Variants in INPP4B observed in about 807,000 individuals in gnomAD.
INPP4B encodes the protein inositol polyphosphate-4-phosphatase type II B.
In INPP4B, 55 loss-of-function variants were observed where a neutral mutation model predicts 122.5. That is an observed-to-expected ratio of 0.45 (90% CI 0.36 to 0.56). The LOEUF is 0.56. INPP4B is among the 20% of genes least tolerant of loss of function. The pLI is 0.00. For missense variants in INPP4B, 1,000 were observed against 1,097.7 expected (o/e 0.91, Z 1.26); for synonymous variants, 403 against 388.7 (o/e 1.04, Z -0.43).
intron 25 of INPP4B, among the ~76,000 whole-genome samples, chr4:142,050,087 G>T (rs529218124): frequency 3.9e-5 from 6 of 152,044 alleles, no homozygotes; most frequent in Non-Finnish European, 8.8e-5. Context: ...AATTACTATT[G>T]TTAGGCTCCC....
chr4:142,569,775 T>G (rs1211613347), intron 2 of INPP4B, among the ~76,000 whole-genome samples: 1 of 152,132 alleles, frequency 6.6e-6, no homozygotes, highest in Admixed American at 6.6e-5. Context: ...AGCTTTCATA[T>G]AAAACAAAGG....
rs575531918 is a variant in INPP4B, at chr4:142,207,999, G to A, written c.1072+426C>T. On this transcript the variant is annotated intron_variant, in intron 14 of 25. Coordinates refer to ENST00000262992, the MANE Select transcript of INPP4B (RefSeq NM_001101669.3). ...CTCACTTTTTCCCATAAAAAAGGGA[G>A]TTTCTATTGATAGTTATCAGTAAGT... Among the ~76,000 whole-genome samples, 5 of 151,990 alleles carry A rather than the reference G, an allele frequency of 3.3e-5. 1 individual carries two copies. In the South Asian group the frequency reaches 1.0e-3, roughly 32 times the overall value.
At chr4:142,146,341 A>C (rs1810721336) in intron 17 of INPP4B, among the ~76,000 whole-genome samples, 1 of 152,176 alleles carries the variant, frequency 6.6e-6, no homozygotes, top group African/African-American at 2.4e-5. Flanking sequence ...TATGAAAGCA[A>C]ACACACACCA....
At chr4:142,700,907 C>T (rs1761670176) in intron 2 of INPP4B, among the ~76,000 whole-genome samples, 1 of 152,050 alleles carries the variant, frequency 6.6e-6, no homozygotes. Context: ...ATGATTTAAA[C>T]ATTTATTATC....
rs867147308 is a variant in INPP4B, at chr4:142,425,422, T to C, written c.136+3751A>G. ...ACTATCTTGCCATTTTCACTGTGGC[T>C]TTTTTTTTCTTACCTTGAAACCAGA... On this transcript the variant is annotated intron_variant, in intron 5 of 25. Coordinates refer to ENST00000262992, the MANE Select transcript of INPP4B (RefSeq NM_001101669.3). Among the ~76,000 whole-genome samples the C allele has an allele frequency of 7.9e-5, 12 of 151,466 alleles. No individual in the cohort carries two copies. The South Asian group carries it at 1.3e-3, about 16-fold the overall frequency.
intron 2 of INPP4B, among the ~76,000 whole-genome samples, chr4:142,483,348 C>T (rs1378375537): frequency 6.6e-6 from 1 of 151,818 alleles, no homozygotes. Flanking sequence ...TGAACATTCT[C>T]AAAAAAGTAA....
At chr4:142,179,782 C>A (rs1830014015) in intron 15 of INPP4B, among the ~76,000 whole-genome samples, 2 of 152,140 alleles carry the variant, frequency 1.3e-5, no homozygotes, top group Admixed American at 1.3e-4. Flanking sequence ...TTTAAATAAG[C>A]AAAGTCCAGT....
intron 12 of INPP4B, among the ~76,000 whole-genome samples, chr4:142,217,820 A>G (rs1320676928): frequency 6.6e-6 from 1 of 151,702 alleles, no homozygotes; most frequent in African/African-American, 2.4e-5. Flanking sequence ...CCTGAATAGA[A>G]TAAGAGACTG....
intron 7 of INPP4B, among the ~76,000 whole-genome samples, chr4:142,315,992 C>A (rs553397172): frequency 6.6e-6 from 1 of 152,102 alleles, no homozygotes; most frequent in East Asian, 1.9e-4. Context: ...TATTAAAAGA[C>A]TTGAATCAGC....
At chr4:142,095,541 A>G (rs1781451039) in intron 23 of INPP4B, among the ~76,000 whole-genome samples, 1 of 152,152 alleles carries the variant, frequency 6.6e-6, no homozygotes, top group Non-Finnish European at 1.5e-5. Context: ...GAGTCTCAAT[A>G]TTTTCAGTAT....
At chr4:142,045,979 A>G (rs2152361913) in intron 25 of INPP4B, among the ~76,000 whole-genome samples, 1 of 152,154 alleles carries the variant, frequency 6.6e-6, no homozygotes, top group East Asian at 1.9e-4. Flanking sequence ...ACTTTTTTTC[A>G]ATAAATTGAT....
At chr4:142,429,458 C>G (rs577311549) in intron 4 of INPP4B, among the ~76,000 whole-genome samples, 2 of 151,924 alleles carry the variant, frequency 1.3e-5, no homozygotes, top group Non-Finnish European at 2.9e-5. Flanking sequence ...TATAAAGAAA[C>G]CAAGAAATGT....
At chr4:142,308,284 G>A (rs989262507) in intron 8 of INPP4B, among the ~76,000 whole-genome samples, 3 of 152,172 alleles carry the variant, frequency 2.0e-5, no homozygotes, top group Admixed American at 6.5e-5. Context: ...TCTGGATAAC[G>A]ATGGCATCAT....
intron 1 of INPP4B, among the ~76,000 whole-genome samples, chr4:142,812,771 A>C (rs1779666216): frequency 6.6e-6 from 1 of 152,188 alleles, no homozygotes; most frequent in African/African-American, 2.4e-5. Flanking sequence ...TAGAATCTGC[A>C]GACTCTAGGA....
chr4:142,295,837 G>A (rs926421563), intron 9 of INPP4B, among the ~76,000 whole-genome samples: 14 of 151,318 alleles, frequency 9.3e-5, no homozygotes, highest in African/African-American at 2.9e-4. Flanking sequence ...AAGGGATACC[G>A]GTTTTACAAA....
intron 5 of INPP4B, among the ~76,000 whole-genome samples, chr4:142,406,670 CT>C (rs1002487770): frequency 6.6e-6 from 1 of 152,052 alleles, no homozygotes; most frequent in East Asian, 1.9e-4. Context: ...TTGTCATATA[CT>C]TTTTTTTCCT....
At chr4:142,542,219 G>A (rs943094830) in intron 2 of INPP4B, among the ~76,000 whole-genome samples, 2 of 152,112 alleles carry the variant, frequency 1.3e-5, no homozygotes, top group African/African-American at 4.8e-5. Flanking sequence ...GATAATAGTG[G>A]TTGATACTTA....
At chr4:142,538,608 CT>C (rs1307946496) in intron 2 of INPP4B, among the ~76,000 whole-genome samples, 1 of 151,886 alleles carries the variant, frequency 6.6e-6, no homozygotes, top group African/African-American at 2.4e-5. Flanking sequence ...ATAACTCATG[CT>C]AAATATTATC....
chr4:142,560,099 A>T (rs914002929), intron 2 of INPP4B, among the ~76,000 whole-genome samples: 14 of 152,288 alleles, frequency 9.2e-5, no homozygotes, highest in Non-Finnish European at 2.1e-4. Context: ...CCAATTTCAC[A>T]GAAGGGGGTT....
Sources: allele counts gnomAD v4.1 joint callset (sites outside exome capture counted in the v4.1 genomes callset), GRCh38; gene constraint gnomAD v4.1.1; transcripts MANE v1.5; gene names NCBI Gene and HGNC (gene_info 2026-07-23, HGNC 2026-07-21).